Variants in BRINP2 observed in about 807,000 individuals in gnomAD.
BRINP2 encodes the protein BMP/retinoic acid inducible neural specific 2.
BRINP2 carries 21 observed loss-of-function variants against 69.2 expected under a neutral mutation model. That is an observed-to-expected ratio of 0.30 (90% confidence interval 0.22 to 0.44). The LOEUF (loss-of-function observed/expected upper bound fraction) is 0.44, where lower values mean the gene tolerates loss of function less well. Ranked by LOEUF, BRINP2 falls within the 20% of genes least tolerant of loss-of-function variation. The pLI is 1.00. For missense variants in BRINP2, 877 were observed against 986.0 expected (o/e 0.89, Z 1.48); for synonymous variants, 380 against 394.1 (o/e 0.96, Z 0.42).
chr1:177,278,843 G>T, intron 7 of BRINP2, 58 bp downstream of exon 7: 1 of 1,548,022 alleles, frequency 6.5e-7, no homozygotes. Flanking sequence ...CAGCTGCTGA[G>T]GCCAAGGAGA....
intron 4 of BRINP2, among the ~76,000 whole-genome samples, chr1:177,262,442 A>ACG (rs1337745271): frequency 4.6e-5 from 7 of 151,384 alleles, no homozygotes; most frequent in Non-Finnish European, 7.4e-5. Flanking sequence ...AACCCGGGAG[A>ACG]CGGAGGTTGC....
chr1:177,261,872 G>C (rs968036731), intron 4 of BRINP2, among the ~76,000 whole-genome samples: 7 of 152,168 alleles, frequency 4.6e-5, no homozygotes, highest in Non-Finnish European at 4.4e-5. Context: ...ACCAAAGCGG[G>C]CTCACAAAGC....
chr1:177,223,296 C>T (rs1649596146), intron 1 of BRINP2, among the ~76,000 whole-genome samples: 1 of 152,112 alleles, frequency 6.6e-6, no homozygotes, highest in African/African-American at 2.4e-5. Context: ...AGGAGGGATC[C>T]TACTAGGTCT....
chr1:177,211,488 C>T (rs1649221113), intron 1 of BRINP2, among the ~76,000 whole-genome samples: 1 of 152,126 alleles, frequency 6.6e-6, no homozygotes, highest in East Asian at 1.9e-4. Flanking sequence ...CAATTTGTTC[C>T]TCCGTCCTAC....
chr1:177,247,092 TGA>T, intron 2 of BRINP2, among the ~76,000 whole-genome samples: 1 of 152,260 alleles, frequency 6.6e-6, no homozygotes, highest in Non-Finnish European at 1.5e-5. Flanking sequence ...ATGAAAAATG[TGA>T]GTCCTATGAA....
intron 1 of BRINP2, among the ~76,000 whole-genome samples, chr1:177,180,103 G>A (rs1028151169): frequency 6.6e-6 from 1 of 152,124 alleles, no homozygotes; most frequent in African/African-American, 2.4e-5. Context: ...CCTATTTTAT[G>A]ATAAAAATTG....
chr1:177,281,547 A>G lies in BRINP2; in HGVS notation c.*19A>G, dbSNP rs1651703270. On this transcript the variant is annotated 3_prime_UTR_variant, in exon 8 of 8. Coordinates refer to ENST00000361539, the MANE Select transcript of BRINP2 (RefSeq NM_021165.4). ...TAGCTAATGGGCGGCCCACTTCAGC[A>G]CTGGGCAAGGAGGGGATCCATGAAT... 2 of 1,575,524 alleles carry G rather than the reference A, an allele frequency of 1.3e-6. No homozygotes were observed. The highest frequency in any genetic ancestry group is 2.3e-5 in the South Asian group (2 of 86,022).
intron 1 of BRINP2, among the ~76,000 whole-genome samples, chr1:177,195,804 A>G (rs1280817844): frequency 6.6e-6 from 1 of 152,088 alleles, no homozygotes; most frequent in Non-Finnish European, 1.5e-5. Flanking sequence ...GGCCCAAGTC[A>G]TGGATGAATG....
At chr1:177,199,940 G>C (rs999755916) in intron 1 of BRINP2, among the ~76,000 whole-genome samples, 3 of 152,022 alleles carry the variant, frequency 2.0e-5, no homozygotes, top group African/African-American at 7.2e-5. Context: ...TCATTTACTT[G>C]GTCCATTATT....
chr1:177,197,848 C>G lies in BRINP2; in HGVS notation c.-77+26116C>G, dbSNP rs545449089. On this transcript the variant is annotated intron_variant, in intron 1 of 7. Coordinates refer to ENST00000361539, the MANE Select transcript of BRINP2 (RefSeq NM_021165.4). ...CAGGTGATCGGGTATGAGGATGTGA[C>G]AAGAATGAAAGTTAGAGAGAGTGAA... Among the ~76,000 whole-genome samples the G allele has an allele frequency of 3.3e-5, 5 of 152,214 alleles. No homozygotes were observed. In the South Asian group the frequency reaches 1.0e-3, roughly 32 times the overall value.
chr1:177,259,810 GA>G (rs1343403858), intron 4 of BRINP2, among the ~76,000 whole-genome samples: 2 of 151,922 alleles, frequency 1.3e-5, no homozygotes, highest in African/African-American at 2.4e-5. Context: ...CTACTACTCA[GA>G]AAAAAAATTC....
At position 177,276,291 on chromosome 1, in the gene BRINP2, G is replaced by A; in HGVS notation, c.869G>A (p.Cys290Tyr). The part of the protein sequence containing the change: ...ITCSSEGELV[C>Y]KENDCWCKCS... ...TGCAGCTCTGAGGGTGAGCTCGTCT[G>A]CAAGGAGAATGACTGCTGGTGCAAG... is the stretch of plus-strand genomic sequence containing the variant. The change falls in exon 6 of 8, where the codon TGC becomes TAC. Residue 290 changes from cysteine (C) to tyrosine (Y), a missense_variant. Physicochemically the swap from Cys to Tyr is radical, Grantham distance 194. Transcript: ENST00000361539. 1.9e-6 allele frequency: 3 copies of A among 1,614,226 alleles called. No individual in the cohort carries two copies. In the South Asian group the frequency reaches 3.3e-5, roughly 18 times the overall value.
intron 1 of BRINP2, among the ~76,000 whole-genome samples, chr1:177,179,760 A>G (rs959620171): frequency 1.6e-4 from 25 of 152,272 alleles, no homozygotes; most frequent in African/African-American, 6.0e-4. Flanking sequence ...AAAGAAAATT[A>G]TTTTTTAACA....
At chr1:177,172,255 C>G (rs115398839) in intron 1 of BRINP2, among the ~76,000 whole-genome samples, 1 of 152,252 alleles carries the variant, frequency 6.6e-6, no homozygotes, top group Non-Finnish European at 1.5e-5. Context: ...AACAGTGAAC[C>G]CTGTAGGTTG....
chr1:177,264,999 C>G (rs1032082998), intron 4 of BRINP2, among the ~76,000 whole-genome samples: 1 of 152,158 alleles, frequency 6.6e-6, no homozygotes, highest in Non-Finnish European at 1.5e-5. Context: ...GTAGCCAAGA[C>G]AATCCTAAGT....
intron 2 of BRINP2, among the ~76,000 whole-genome samples, chr1:177,232,925 A>G (rs1012745920): frequency 9.2e-5 from 14 of 152,202 alleles, no homozygotes; most frequent in Non-Finnish European, 1.5e-5. Context: ...TCTTCCATTT[A>G]TAAGCGGATG....
At chr1:177,223,036 A>T (rs995056865) in intron 1 of BRINP2, among the ~76,000 whole-genome samples, 1 of 152,154 alleles carries the variant, frequency 6.6e-6, no homozygotes, top group East Asian at 1.9e-4. Flanking sequence ...CCATCTTTCT[A>T]TTTGCTAGTG....
intron 1 of BRINP2, among the ~76,000 whole-genome samples, chr1:177,195,462 C>T (rs1374584717): frequency 1.3e-5 from 2 of 150,972 alleles, no homozygotes; most frequent in African/African-American, 2.4e-5. Context: ...ACGAGTCCAG[C>T]GCCCTGCCTT....
At chr1:177,272,511 G>A (rs563267532) in intron 4 of BRINP2, among the ~76,000 whole-genome samples, 7 of 152,246 alleles carry the variant, frequency 4.6e-5, no homozygotes, top group Non-Finnish European at 7.3e-5. Context: ...AGCCTATAGA[G>A]TGTAGGATTC....
Sources: gnomAD v4.1 joint callset for allele counts (sites outside exome capture counted in the v4.1 genomes callset) on GRCh38, gnomAD v4.1.1 for gene constraint, MANE v1.5 for transcripts, NCBI Gene and HGNC (gene_info 2026-07-23, HGNC 2026-07-21) for gene names.